The following COL25A1 variants were observed in gnomAD, a reference collection of about 807,000 sequenced individuals.
The protein encoded by COL25A1 is collagen type XXV alpha 1 chain.
A neutral mutation model predicts 128.4 loss-of-function variants in COL25A1; 103 were observed. That is an observed-to-expected ratio of 0.80 (90% CI 0.68 to 0.94). The LOEUF is 0.94. Ranked by LOEUF, COL25A1 falls within the 40% of genes least tolerant of loss-of-function variation. COL25A1 has a pLI of 0.00. For synonymous variants in COL25A1, 279 were observed against 277.2 expected, an observed-to-expected ratio of 1.01 and a Z score of -0.06; for missense variants, 745 against 840.0, an observed-to-expected ratio of 0.89 and a Z score of 1.40.
chr4:109,302,154 C>A lies in COL25A1; in HGVS notation c.-57+15G>T. 8.6e-7 allele frequency: 1 copy of A among 1,169,504 alleles called. No individual in the cohort carries two copies. The highest frequency in any genetic ancestry group is 2.6e-5 in the East Asian group (1 of 38,710). 72.4% of individuals were successfully genotyped at this position (1,169,504 alleles called of 1,614,324 possible). A position where few individuals can be genotyped will look rare whatever the true frequency, so the allele number is the denominator to read the frequency against. ...CAACTAGTTGGTGGAGTCAAGCCCA[C>A]GAGCGGATACGGACCCCTGCCTTGC... On this transcript the variant is annotated intron_variant, in intron 1 of 37. Coordinates refer to ENST00000399132, the MANE Select transcript of COL25A1 (RefSeq NM_198721.4).
At chr4:109,260,732 GA>G (rs1781388481) in intron 3 of COL25A1, among the ~76,000 whole-genome samples, 1 of 152,138 alleles carries the variant, frequency 6.6e-6, no homozygotes, top group Admixed American at 6.5e-5. Flanking sequence ...CTGACCTCAA[GA>G]AATCCGCATG....
At chr4:108,922,987 G>A (rs1377401385) in intron 11 of COL25A1, among the ~76,000 whole-genome samples, 3 of 152,062 alleles carry the variant, frequency 2.0e-5, no homozygotes, top group Non-Finnish European at 4.4e-5. Flanking sequence ...GATTAAGGCA[G>A]AATAAAATAT....
intron 3 of COL25A1, among the ~76,000 whole-genome samples, chr4:109,208,248 T>C (rs903111250): frequency 6.6e-6 from 1 of 152,168 alleles, no homozygotes; most frequent in South Asian, 2.1e-4. Context: ...ATCTACGAGG[T>C]AGCTCTTATG....
At position 109,170,186 on chromosome 4, in the gene COL25A1, T is replaced by C. The variant is rs185083553; in HGVS notation, c.368-120007A>G. Among the ~76,000 whole-genome samples the C allele has an allele frequency of 5.9e-5, 9 of 152,226 alleles. No homozygotes were observed. The East Asian group carries it at 1.7e-3, about 29-fold the overall frequency. Reference sequence around the variant, plus strand: ...AAAATTAAACAGTATTCTATGTTTATTTTTCTGATATTTTATTTACTAAGG... The same window carrying C: ...AAAATTAAACAGTATTCTATGTTTACTTTTCTGATATTTTATTTACTAAGG... On this transcript the variant is annotated intron_variant, in intron 3 of 37. Coordinates refer to ENST00000399132, the MANE Select transcript of COL25A1 (RefSeq NM_198721.4).
At chr4:108,850,149 T>A (rs755822638) in intron 26 of COL25A1, among the ~76,000 whole-genome samples, 34 of 152,156 alleles carry the variant, frequency 2.2e-4, no homozygotes, top group Non-Finnish European at 4.4e-5. Flanking sequence ...TCACAAGTGT[T>A]TAAAAGGAAA....
At chr4:109,093,062 C>A (rs956088626) in intron 3 of COL25A1, among the ~76,000 whole-genome samples, 1 of 151,824 alleles carries the variant, frequency 6.6e-6, no homozygotes, top group Admixed American at 6.6e-5. Flanking sequence ...AAAGGTTATA[C>A]TGAACACTGG....
chr4:109,094,401 T>C (rs1434587893), intron 3 of COL25A1, among the ~76,000 whole-genome samples: 1 of 152,214 alleles, frequency 6.6e-6, no homozygotes, highest in African/African-American at 2.4e-5. Context: ...AAGAGAATCA[T>C]TAAATATATC....
At chr4:109,232,125 G>A (rs1779200897) in intron 3 of COL25A1, among the ~76,000 whole-genome samples, 1 of 152,104 alleles carries the variant, frequency 6.6e-6, no homozygotes, top group South Asian at 2.1e-4. Context: ...AGAGTAAGCA[G>A]ATGGGAAGAG....
intron 3 of COL25A1, among the ~76,000 whole-genome samples, chr4:109,073,120 T>C (rs536126921): frequency 7.2e-5 from 11 of 152,220 alleles, no homozygotes; most frequent in Non-Finnish European, 1.5e-4. Flanking sequence ...ATACTGATAA[T>C]GTGTGTGTGC....
intron 3 of COL25A1, among the ~76,000 whole-genome samples, chr4:109,276,505 TG>T: frequency 6.6e-6 from 1 of 152,140 alleles, no homozygotes; most frequent in Admixed American, 6.5e-5. Flanking sequence ...TATAATTCTT[TG>T]GGGGGAAATC....
At chr4:109,265,454 T>G (rs1781721017) in intron 3 of COL25A1, among the ~76,000 whole-genome samples, 1 of 151,926 alleles carries the variant, frequency 6.6e-6, no homozygotes, top group Non-Finnish European at 1.5e-5. Context: ...TCCATTAAAC[T>G]AAAGTTATAA....
chr4:108,984,984 C>T (rs949190331), intron 6 of COL25A1, among the ~76,000 whole-genome samples: 4 of 152,202 alleles, frequency 2.6e-5, no homozygotes, highest in Non-Finnish European at 4.4e-5. Context: ...TAAGATGTTC[C>T]TTGGAGTCTA....
chr4:109,073,447 G>T (rs1341011715), intron 3 of COL25A1, among the ~76,000 whole-genome samples: 1 of 152,146 alleles, frequency 6.6e-6, no homozygotes, highest in Non-Finnish European at 1.5e-5. Context: ...CACCTGGTGT[G>T]TATTTACTCA....
At chr4:109,218,587 G>A (rs971005925) in intron 3 of COL25A1, among the ~76,000 whole-genome samples, 4 of 151,532 alleles carry the variant, frequency 2.6e-5, no homozygotes, top group African/African-American at 7.3e-5. Flanking sequence ...CAGAAACCAC[G>A]AGTCTCCTAA....
chr4:108,908,574 C>T (rs1423937676), intron 13 of COL25A1, among the ~76,000 whole-genome samples: 2 of 152,170 alleles, frequency 1.3e-5, no homozygotes, highest in Admixed American at 6.5e-5. Context: ...ATCCCTACTG[C>T]GTTATCTAAA....
At chr4:109,013,608 G>C (rs139587324) in intron 5 of COL25A1, among the ~76,000 whole-genome samples, 2,894 of 151,524 alleles carry the variant, frequency 0.019, 43 homozygotes, top group African/African-American at 0.036. Context: ...TCACTCCTGA[G>C]GCCAGCGAGA....
In COL25A1 at chr4:109,070,807, T is replaced by C. The variant is rs932106466; in HGVS notation, c.368-20628A>G. Among the ~76,000 whole-genome samples the C allele has an allele frequency of 6.6e-5, 10 of 151,636 alleles. No individual in the cohort carries two copies. The East Asian group carries it at 9.7e-4, about 15-fold the overall frequency. ...GGTGTTTGGTTTTTTGTCCTTGCGA[T>C]AGTTTGCTGAGAATTATGGTTTCCA... On this transcript the variant is annotated intron_variant, in intron 3 of 37. Coordinates refer to ENST00000399132, the MANE Select transcript of COL25A1 (RefSeq NM_198721.4).
chr4:109,186,911 A>G (rs1775192205), intron 3 of COL25A1, among the ~76,000 whole-genome samples: 2 of 152,330 alleles, frequency 1.3e-5, no homozygotes, highest in African/African-American at 2.4e-5. Flanking sequence ...AACTGTATTC[A>G]TCTAACTCAC....
chr4:109,207,347 C>A, intron 3 of COL25A1, among the ~76,000 whole-genome samples: 1 of 152,072 alleles, frequency 6.6e-6, no homozygotes. Context: ...GCTTTAACAT[C>A]TTGGCAGTCT....
Sources: gnomAD v4.1 joint callset for allele counts (sites outside exome capture counted in the v4.1 genomes callset) on GRCh38, gnomAD v4.1.1 for gene constraint, MANE v1.5 for transcripts, NCBI Gene and HGNC (gene_info 2026-07-23, HGNC 2026-07-21) for gene names.